Variants in PGAP1 observed in about 807,000 individuals in gnomAD.
PGAP1 encodes GPI inositol-deacylase.
A neutral mutation model predicts 127.0 loss-of-function variants in PGAP1; 76 were observed. The ratio of observed to expected loss-of-function variants is 0.60; its 90% confidence interval spans 0.50 to 0.72. The LOEUF (loss-of-function observed/expected upper bound fraction) is 0.72. PGAP1 is among the 30% of genes least tolerant of loss of function. PGAP1 has a pLI of 0.00. For synonymous variants in PGAP1, 362 were observed against 366.5 expected, an observed-to-expected ratio of 0.99 and a Z score of 0.14; for missense variants, 982 against 1,071.3, an observed-to-expected ratio of 0.92 and a Z score of 1.16.
chr2:196,858,426 C>T (rs904671072), intron 20 of PGAP1, among the ~76,000 whole-genome samples: 23 of 151,226 alleles, frequency 1.5e-4, no homozygotes, highest in African/African-American at 5.1e-4. Context: ...GACTCCTAAA[C>T]AATGAATGGG....
Position 196,840,520 on chromosome 2 carries a change from T to C in PGAP1, c.*714A>G, listed in dbSNP as rs1169570521. 6.6e-6 allele frequency: 1 copy of C among 152,192 alleles called. No individual in the cohort carries two copies. The highest frequency in any genetic ancestry group is 1.5e-5 in the Non-Finnish European group (1 of 68,028). 9.4% of individuals were successfully genotyped at this position (152,192 alleles called of 1,614,324 possible). On this transcript the variant is annotated 3_prime_UTR_variant, in exon 27 of 27. Transcript: ENST00000354764. ...TACATTTAACAGCAGACCTCTTTAA[T>C]AGTCTCCTGATGTTCACCGAGAATA... is the stretch of plus-strand genomic sequence containing the variant.
At chr2:196,857,697 T>C (rs1483294704) in intron 20 of PGAP1, among the ~76,000 whole-genome samples, 2 of 152,166 alleles carry the variant, frequency 1.3e-5, no homozygotes, top group Non-Finnish European at 2.9e-5. Context: ...CTCACACTTG[T>C]ATGCTTGATA....
rs1701473492 is a variant in PGAP1 at position 196,873,671 on chromosome 2, T to A, written c.1500+14A>T. On this transcript the variant is annotated intron_variant, in intron 15 of 26. Coordinates refer to ENST00000354764, the MANE Select transcript of PGAP1 (RefSeq NM_024989.4). ...TAAAATCAAATCCTTTTTCTTGTAG[T>A]CAGGATTAATTACCTGTCCAAAGTT... 2 of 1,602,454 alleles carry A rather than the reference T, an allele frequency of 1.2e-6. No homozygotes were observed. The highest frequency in any genetic ancestry group is 1.7e-6 in the Non-Finnish European group (2 of 1,169,816).
intron 20 of PGAP1, 85 bp downstream of exon 20, chr2:196,864,902 A>G (rs1224261074): frequency 5.0e-6 from 3 of 599,550 alleles, no homozygotes; most frequent in South Asian, 8.3e-5. Context: ...ACAGAATTAT[A>G]TATATAAACA....
intron 21 of PGAP1, 103 bp from the exon 22 acceptor site, chr2:196,847,303 T>C (rs1262328143): frequency 9.9e-6 from 8 of 809,144 alleles, no homozygotes; most frequent in African/African-American, 1.7e-5. Flanking sequence ...TAAAGTTCCA[T>C]GATACTTAAT....
chr2:196,875,961 C>T (rs1030189300), intron 13 of PGAP1, 140 bp from the exon 14 acceptor site: 8 of 523,394 alleles, frequency 1.5e-5, no homozygotes, highest in African/African-American at 3.9e-5. Context: ...TATAATTCTG[C>T]CTATACTTAA....
intron 5 of PGAP1, among the ~76,000 whole-genome samples, chr2:196,901,944 T>C (rs947465302): frequency 1.3e-5 from 2 of 152,194 alleles, no homozygotes; most frequent in African/African-American, 4.8e-5. Flanking sequence ...AACAGGCTCT[T>C]ATTTTAGACA....
intron 10 of PGAP1, among the ~76,000 whole-genome samples, chr2:196,889,691 CT>C (rs1256461380): frequency 5.8e-3 from 7 of 1,200 alleles, no homozygotes; most frequent in African/African-American, 7.2e-3. Context: ...CCTGTCTCTA[CT>C]AAAAAAAATA....
intron 2 of PGAP1, among the ~76,000 whole-genome samples, chr2:196,916,997 G>A (rs537661822): frequency 6.6e-6 from 1 of 152,200 alleles, no homozygotes; most frequent in East Asian, 1.9e-4. Flanking sequence ...AGATACTCAC[G>A]CTTGATTTGT....
At chr2:196,865,510 G>A (rs1463806743) in intron 19 of PGAP1, among the ~76,000 whole-genome samples, 1 of 152,036 alleles carries the variant, frequency 6.6e-6, no homozygotes, top group African/African-American at 2.4e-5. Flanking sequence ...TAATAGGCAA[G>A]TTACTTAGCT....
intron 20 of PGAP1, among the ~76,000 whole-genome samples, chr2:196,856,082 C>T (rs192747473): frequency 3.3e-3 from 509 of 152,204 alleles, no homozygotes; most frequent in Non-Finnish European, 6.2e-3. Flanking sequence ...GGCATGATCT[C>T]GGCTCACTGA....
rs777496930 is a variant in PGAP1, at chr2:196,916,402, C to T, written c.477+16G>A. On this transcript the variant is annotated intron_variant, in intron 3 of 26. Coordinates refer to ENST00000354764, the MANE Select transcript of PGAP1 (RefSeq NM_024989.4). ...GATAGGTTGCACCACTATTGATTTG[C>T]ATACTTATCTCTCACCTTATAGAGT... is the stretch of plus-strand genomic sequence containing the variant. The T allele has an allele frequency of 1.9e-6, 3 of 1,579,400 alleles. No homozygotes were observed. The highest frequency in any genetic ancestry group is 8.6e-7 in the Non-Finnish European group (1 of 1,163,640).
intron 20 of PGAP1, among the ~76,000 whole-genome samples, chr2:196,849,259 T>A (rs1700646806): frequency 6.8e-6 from 1 of 146,436 alleles, no homozygotes; most frequent in South Asian, 2.2e-4. Context: ...AGTGTCAGAA[T>A]AATTTTTTTT....
In PGAP1 at chr2:196,860,437, G is replaced by C. The variant is rs146975941; in HGVS notation, c.1861+4550C>G. Among the ~76,000 whole-genome samples the C allele has an allele frequency of 5.7e-3, 864 of 152,204 alleles. 10 individuals are homozygous for C. Among genetic ancestry groups the C allele is most frequent in the African/African-American group, 0.02 (829 of 41,510 alleles). On this transcript the variant is annotated intron_variant, in intron 20 of 26. Transcript: ENST00000354764. ...TAATCCCAGCTATTCAGGAGGCTGA[G>C]ACAGAAGAATCACTTCAACCTGGGA...
At position 196,835,608 on chromosome 2, in the gene PGAP1, T is replaced by C. The variant is rs1038849890; in HGVS notation, c.*5626A>G. On this transcript the variant is annotated 3_prime_UTR_variant, in exon 27 of 27. Coordinates refer to ENST00000354764, the MANE Select transcript of PGAP1 (RefSeq NM_024989.4). ...AAGTTTTCATGGTTTAAACATTTAT[T>C]GTAAGTCCTAGATGAAACATACTGA... The C allele has an allele frequency of 1.0e-4, 16 of 152,484 alleles. No homozygotes were observed. Among genetic ancestry groups the C allele is most frequent in the African/African-American group, 3.6e-4 (15 of 41,456 alleles). 9.4% of individuals were successfully genotyped at this position (152,484 alleles called of 1,614,324 possible). A position where few individuals can be genotyped will look rare whatever the true frequency, so the allele number is the denominator to read the frequency against.
At chr2:196,891,990 T>C (rs988320689) in intron 9 of PGAP1, among the ~76,000 whole-genome samples, 4 of 151,648 alleles carry the variant, frequency 2.6e-5, no homozygotes, top group Non-Finnish European at 5.9e-5. Flanking sequence ...ACTGTGAAAC[T>C]CTAGAGGACA....
At chr2:196,858,605 G>C (rs1700966898) in intron 20 of PGAP1, among the ~76,000 whole-genome samples, 1 of 151,850 alleles carries the variant, frequency 6.6e-6, no homozygotes, top group Non-Finnish European at 1.5e-5. Context: ...AAAACCTAAT[G>C]ATGCATCTCA....
intron 11 of PGAP1, 81 bp downstream of exon 11, chr2:196,885,753 A>C (rs2125812399): frequency 1.2e-6 from 1 of 867,000 alleles, no homozygotes; most frequent in South Asian, 3.6e-5. Context: ...TGAAAATAAC[A>C]ATGTATGAAA....
chr2:196,852,791 C>T (rs1174834910), intron 20 of PGAP1, among the ~76,000 whole-genome samples: 3 of 152,130 alleles, frequency 2.0e-5, no homozygotes, highest in Admixed American at 2.0e-4. Flanking sequence ...CTTATGTGAT[C>T]CATTTTTGTC....
Sources: gnomAD v4.1 joint callset for allele counts (sites outside exome capture counted in the v4.1 genomes callset) on GRCh38, gnomAD v4.1.1 for gene constraint, MANE v1.5 for transcripts, NCBI Gene and HGNC (gene_info 2026-07-23, HGNC 2026-07-21) for gene names.